Variants in SEC24B observed in about 807,000 individuals in gnomAD.
SEC24B encodes the protein protein transport protein Sec24B.
Under a neutral mutation model 142.8 loss-of-function variants are expected in SEC24B, and 45 were observed. That is an observed-to-expected ratio of 0.32 (90% CI 0.25 to 0.40). SEC24B has a LOEUF of 0.40. Ranked by LOEUF, SEC24B falls within the 10% of genes least tolerant of loss-of-function variation. The probability of loss-of-function intolerance (pLI) is 1.00; values close to 1 mark genes in which losing one functional copy is unlikely to be tolerated. For synonymous variants in SEC24B, 574 were observed against 568.2 expected (o/e 1.01, Z -0.15); for missense variants, 1,409 against 1,526.8 (o/e 0.92, Z 1.29).
intron 5 of SEC24B, among the ~76,000 whole-genome samples, chr4:109,492,994 A>C (rs980074910): frequency 6.6e-6 from 1 of 152,090 alleles, no homozygotes; most frequent in Admixed American, 6.6e-5. Context: ...TGTTGGGATA[A>C]TAGGCTTGAG....
In SEC24B at chr4:109,466,780, AC is replaced by A. The variant is rs1731941898; in HGVS notation, c.877+3137del. On this transcript the variant is annotated intron_variant, in intron 2 of 23. Transcript: ENST00000265175. ...ATTACCTTCTTTACTACTTGATTAT[AC>A]TATCTTCATTTCAGATATACTAAAA... Among the ~76,000 whole-genome samples, 3 of 152,338 alleles carry A rather than the reference AC, an allele frequency of 2.0e-5. No homozygotes were observed. In the South Asian group the frequency reaches 6.2e-4, roughly 32 times the overall value.
chr4:109,507,197 T>C (rs937416999), intron 7 of SEC24B, among the ~76,000 whole-genome samples: 1 of 152,248 alleles, frequency 6.6e-6, no homozygotes, highest in South Asian at 2.1e-4. Flanking sequence ...GTTTTTTTCT[T>C]TTTTTGGAAG....
At chr4:109,513,724 T>C (rs756533086) in intron 9 of SEC24B, 23 bp from the exon 10 acceptor site, 1 of 1,352,074 alleles carries the variant, frequency 7.4e-7, no homozygotes, top group Non-Finnish European at 1.1e-6. Flanking sequence ...GTCTCTAAAT[T>C]TGTACTGGGA....
chr4:109,490,033 T>G (rs2126000763), intron 4 of SEC24B, among the ~76,000 whole-genome samples: 1 of 152,222 alleles, frequency 6.6e-6, no homozygotes, highest in East Asian at 1.9e-4. Flanking sequence ...TACCTATTAC[T>G]TATTTAATGG....
At chr4:109,524,781 AG>A (rs1374435991) in intron 14 of SEC24B, 36 bp from the exon 15 acceptor site, 1 of 1,571,498 alleles carries the variant, frequency 6.4e-7, no homozygotes. Context: ...ATGAGCATAA[AG>A]ATTGCTAGCT....
intron 18 of SEC24B, among the ~76,000 whole-genome samples, chr4:109,527,696 T>C (rs1366740091): frequency 1.3e-5 from 2 of 151,760 alleles, no homozygotes; most frequent in African/African-American, 4.8e-5. Context: ...TGCTTGAACC[T>C]GAGAGGCGGA....
At chr4:109,496,049 A>G (rs140396175) in intron 6 of SEC24B, among the ~76,000 whole-genome samples, 1 of 152,190 alleles carries the variant, frequency 6.6e-6, no homozygotes, top group Non-Finnish European at 1.5e-5. Context: ...ATACAGTTAA[A>G]TACTTAACAG....
At chr4:109,452,190 A>G (rs1008748681) in intron 1 of SEC24B, among the ~76,000 whole-genome samples, 1 of 152,156 alleles carries the variant, frequency 6.6e-6, no homozygotes, top group Non-Finnish European at 1.5e-5. Flanking sequence ...TATAATATGT[A>G]GCCTTTTGGG....
chr4:109,539,833 A>G lies in SEC24B; in HGVS notation c.*158A>G. 1 of 583,522 alleles carries G rather than the reference A, an allele frequency of 1.7e-6. No homozygotes were observed. The highest frequency in any genetic ancestry group is 3.0e-6 in the Non-Finnish European group (1 of 331,582). The allele number at this position is 583,522 out of a possible 1,614,324, so 36.1% of individuals were successfully genotyped here. On this transcript the variant is annotated 3_prime_UTR_variant, in exon 24 of 24. Transcript: ENST00000265175. ...TTTGGTAAAAAGTAAAGGGGAAGAAAGAACTTGACAGATCTTTTTCAACTC... is the reference window on the plus strand; with the variant it reads ...TTTGGTAAAAAGTAAAGGGGAAGAAGGAACTTGACAGATCTTTTTCAACTC...
intron 7 of SEC24B, 133 bp downstream of exon 7, chr4:109,506,645 A>G: frequency 1.6e-6 from 1 of 620,892 alleles, no homozygotes; most frequent in Admixed American, 4.0e-5. Flanking sequence ...TTTAGTTTGT[A>G]TAGATGTAAA....
intron 1 of SEC24B, among the ~76,000 whole-genome samples, chr4:109,452,626 T>C (rs1730226056): frequency 6.6e-6 from 1 of 152,264 alleles, no homozygotes; most frequent in African/African-American, 2.4e-5. Flanking sequence ...TAATTTAATT[T>C]GTATTTTCCT....
intron 3 of SEC24B, among the ~76,000 whole-genome samples, chr4:109,478,286 A>T (rs1451266598): frequency 1.2e-5 from 1 of 84,776 alleles, no homozygotes. Flanking sequence ...ACTCTGTCTT[A>T]AAAAAAAAAA....
intron 10 of SEC24B, among the ~76,000 whole-genome samples, chr4:109,514,756 G>A (rs1737743597): frequency 6.6e-6 from 1 of 152,136 alleles, no homozygotes; most frequent in African/African-American, 2.4e-5. Context: ...TCTAATCCTT[G>A]TTGTCCGCAA....
At chr4:109,535,528 C>A (rs1725428685) in intron 22 of SEC24B, among the ~76,000 whole-genome samples, 1 of 150,906 alleles carries the variant, frequency 6.6e-6, no homozygotes, top group South Asian at 2.1e-4. Context: ...TGCACTCCAA[C>A]CTGGACGACA....
At position 109,463,652 on chromosome 4, in the gene SEC24B, G is replaced by A; in HGVS notation, c.877+8G>A. 1 of 1,601,354 alleles carries A rather than the reference G, an allele frequency of 6.2e-7. No homozygotes were observed. ...ACAACCCAACCATTACTGGTAGGTT[G>A]AATGAAAAGTTCACCAAAACATGTT... On this transcript the variant is annotated splice_region_variant and intron_variant, in intron 2 of 23. Transcript: ENST00000265175.
At chr4:109,483,003 C>CACACACACACACACACATAT (rs1408633373) in intron 4 of SEC24B, among the ~76,000 whole-genome samples, 5 of 84,110 alleles carry the variant, frequency 5.9e-5, no homozygotes, top group African/African-American at 2.5e-4. Context: ...CACACACACA[C>CACACACACACACACACATAT]ATATTATACA....
At chr4:109,504,647 T>C (rs1160641248) in intron 6 of SEC24B, among the ~76,000 whole-genome samples, 1 of 152,168 alleles carries the variant, frequency 6.6e-6, no homozygotes, top group East Asian at 1.9e-4. Context: ...CAAAATAATA[T>C]CTGTTTATTT....
intron 1 of SEC24B, among the ~76,000 whole-genome samples, chr4:109,457,051 T>C (rs1013363850): frequency 3.3e-5 from 5 of 152,196 alleles, no homozygotes; most frequent in Non-Finnish European, 7.3e-5. Flanking sequence ...TTAGTATAAT[T>C]GTCAACACAG....
At chr4:109,518,740 C>T (rs866995862) in intron 11 of SEC24B, among the ~76,000 whole-genome samples, 12 of 151,134 alleles carry the variant, frequency 7.9e-5, no homozygotes, top group African/African-American at 2.7e-4. Flanking sequence ...TGAGTGGCAA[C>T]GGAAGACTGC....
Sources: allele counts gnomAD v4.1 joint callset (sites outside exome capture counted in the v4.1 genomes callset), GRCh38; gene constraint gnomAD v4.1.1; transcripts MANE v1.5; gene names NCBI Gene and HGNC (gene_info 2026-07-23, HGNC 2026-07-21).